ELAVL2: variants seen among roughly 807,000 people sequenced by gnomAD.
ELAVL2 encodes the protein ELAV-like protein 2.
In ELAVL2, 4 loss-of-function variants were observed where a neutral mutation model predicts 34.6. The ratio of observed to expected loss-of-function variants is 0.12; its 90% confidence interval spans 0.06 to 0.26. The LOEUF (loss-of-function observed/expected upper bound fraction) is 0.26, where lower values mean the gene tolerates loss of function less well. Ranked by LOEUF, ELAVL2 falls within the 10% of genes least tolerant of loss-of-function variation. ELAVL2 has a pLI of 1.00. For missense variants in ELAVL2, 432 were observed against 442.8 expected (o/e 0.98, Z 0.22); for synonymous variants, 193 against 154.8 (o/e 1.25, Z -1.83).
chr9:23,812,122 A>AT (rs984734256), intron 1 of ELAVL2, among the ~76,000 whole-genome samples: 91 of 151,550 alleles, frequency 6.0e-4, no homozygotes, highest in Admixed American at 1.5e-3. Context: ...GGAGTGTGTG[A>AT]TTTTTTTTTA....
intron 1 of ELAVL2, among the ~76,000 whole-genome samples, chr9:23,812,296 A>G (rs1345782054): frequency 1.3e-5 from 2 of 152,150 alleles, no homozygotes; most frequent in Admixed American, 1.3e-4. Context: ...ATCTCAACAC[A>G]AAACCTAGAA....
intron 2 of ELAVL2, among the ~76,000 whole-genome samples, chr9:23,750,188 C>T (rs2051568230): frequency 6.6e-6 from 1 of 151,874 alleles, no homozygotes; most frequent in Non-Finnish European, 1.5e-5. Context: ...AGAAACTAAC[C>T]CCAGAAGATT....
intron 1 of ELAVL2, among the ~76,000 whole-genome samples, chr9:23,781,629 C>T (rs986045197): frequency 2.0e-5 from 3 of 151,672 alleles, no homozygotes; most frequent in African/African-American, 7.3e-5. Flanking sequence ...ATCCTCCTAC[C>T]TCAGCCTCTT....
intron 1 of ELAVL2, 73 bp from the exon 2 acceptor site, chr9:23,762,322 A>C: frequency 6.5e-7 from 1 of 1,547,716 alleles, no homozygotes; most frequent in Non-Finnish European, 8.7e-7. Context: ...CCAAGAATTT[A>C]AACACTTGTC....
intron 1 of ELAVL2, among the ~76,000 whole-genome samples, chr9:23,768,444 T>C (rs2056724536): frequency 7.7e-6 from 1 of 130,270 alleles, no homozygotes. Context: ...ACTAGGTAAC[T>C]TTTTTTTTTT....
At chr9:23,823,401 G>A (rs783562) in intron 1 of ELAVL2, among the ~76,000 whole-genome samples, 62,068 of 151,964 alleles carry the variant, frequency 0.41, 13,177 homozygotes, top group East Asian at 0.66. Flanking sequence ...AGAGCTCTCA[G>A]AAGAGTTCCC....
intron 2 of ELAVL2, among the ~76,000 whole-genome samples, chr9:23,732,791 C>T (rs1346667290): frequency 1.3e-5 from 2 of 152,168 alleles, no homozygotes; most frequent in African/African-American, 4.8e-5. Flanking sequence ...CTCTGAACCA[C>T]AGCTTCCTTC....
intron 1 of ELAVL2, among the ~76,000 whole-genome samples, chr9:23,770,978 G>A (rs770841402): frequency 1.6e-4 from 25 of 152,092 alleles, no homozygotes; most frequent in Non-Finnish European, 2.2e-4. Context: ...TAATGAGGCC[G>A]GAACACATAG....
chr9:23,734,964 G>A (rs1242704581), intron 2 of ELAVL2, among the ~76,000 whole-genome samples: 2 of 151,694 alleles, frequency 1.3e-5, no homozygotes, highest in Non-Finnish European at 2.9e-5. Context: ...TTTAGAATGT[G>A]CATACTGATA....
chr9:23,786,898 G>C (rs1362291558), intron 1 of ELAVL2, among the ~76,000 whole-genome samples: 1 of 151,606 alleles, frequency 6.6e-6, no homozygotes, highest in African/African-American at 2.4e-5. Flanking sequence ...ATTCAAAGAA[G>C]TTCTGATGCT....
intron 2 of ELAVL2, among the ~76,000 whole-genome samples, chr9:23,748,020 C>T (rs1457529835): frequency 6.6e-6 from 1 of 152,128 alleles, no homozygotes; most frequent in Non-Finnish European, 1.5e-5. Context: ...CAACATACAT[C>T]AGCATCTGTC....
intron 2 of ELAVL2, among the ~76,000 whole-genome samples, chr9:23,740,309 T>C (rs941691789): frequency 6.6e-6 from 1 of 152,200 alleles, no homozygotes; most frequent in Non-Finnish European, 1.5e-5. Context: ...TACATGTAAA[T>C]ACATCTGTAT....
At chr9:23,702,582 C>T (rs1188182783) in intron 4 of ELAVL2, among the ~76,000 whole-genome samples, 3 of 146,960 alleles carry the variant, frequency 2.0e-5, no homozygotes, top group Non-Finnish European at 4.5e-5. Flanking sequence ...CTTGGAGGAG[C>T]TTAAAAAAAA....
intron 2 of ELAVL2, among the ~76,000 whole-genome samples, chr9:23,754,223 G>C (rs548304389): frequency 6.6e-6 from 1 of 152,152 alleles, no homozygotes; most frequent in East Asian, 1.9e-4. Flanking sequence ...AACAAATCTG[G>C]ATGATTAATG....
chr9:23,725,807 T>C (rs1055548435), intron 3 of ELAVL2, among the ~76,000 whole-genome samples: 1 of 152,138 alleles, frequency 6.6e-6, no homozygotes. Context: ...GCAATAAACA[T>C]GAATTTGTTT....
At chr9:23,734,677 A>G (rs1198013165) in intron 2 of ELAVL2, among the ~76,000 whole-genome samples, 2 of 152,208 alleles carry the variant, frequency 1.3e-5, no homozygotes, top group South Asian at 2.1e-4. Context: ...TTTTATACAA[A>G]TATCAGTTTT....
At chr9:23,833,013 T>A in the ELAVL2 span, among the ~76,000 whole-genome samples, 1 of 152,090 alleles carries the variant, frequency 6.6e-6, no homozygotes, top group African/African-American at 2.4e-5. Flanking sequence ...TCTGTTGAAT[T>A]GTTACATGCA....
intron 1 of ELAVL2, among the ~76,000 whole-genome samples, chr9:23,801,392 G>C (rs1348351688): frequency 2.6e-5 from 4 of 152,136 alleles, no homozygotes; most frequent in Non-Finnish European, 1.5e-5. Context: ...GTGCTTGAAA[G>C]GAAAAGTTAT....
chr9:23,775,751 C>T (rs1444437266), intron 1 of ELAVL2, among the ~76,000 whole-genome samples: 1 of 152,178 alleles, frequency 6.6e-6, no homozygotes. Flanking sequence ...CAAGCTCTAA[C>T]AAGCTCCCAG....
Sources: gnomAD v4.1 joint callset for allele counts (sites outside exome capture counted in the v4.1 genomes callset) on GRCh38, gnomAD v4.1.1 for gene constraint, MANE v1.5 for transcripts, NCBI Gene and HGNC (gene_info 2026-07-23, HGNC 2026-07-21) for gene names.